TACR1: variants seen among roughly 807,000 people sequenced by gnomAD.
TACR1 encodes the protein tachykinin receptor 1, also known as substance-P receptor.
Under a neutral mutation model 35.8 loss-of-function variants are expected in TACR1, and 25 were observed. That is an observed-to-expected ratio of 0.70 (90% CI 0.51 to 0.98). The LOEUF (loss-of-function observed/expected upper bound fraction) is 0.98, where lower values mean the gene tolerates loss of function less well. TACR1 is among the 50% of genes least tolerant of loss of function. The pLI, the probability that TACR1 is intolerant of heterozygous loss-of-function variation, is 0.00. For missense variants in TACR1, 478 were observed against 522.9 expected, an observed-to-expected ratio of 0.91 and a Z score of 0.84; for synonymous variants, 195 against 206.7, an observed-to-expected ratio of 0.94 and a Z score of 0.48.
At chr2:75,186,886 G>C (rs1330246254) in intron 1 of TACR1, 1 of 152,198 alleles carries the variant, frequency 6.6e-6, no homozygotes, top group South Asian at 2.1e-4. Context: ...GTATTGGGAG[G>C]AGATGAAGCA....
At chr2:75,075,505 G>A (rs1370689445) in intron 2 of TACR1, among the ~76,000 whole-genome samples, 2 of 152,060 alleles carry the variant, frequency 1.3e-5, no homozygotes, top group African/African-American at 4.8e-5. Flanking sequence ...ATGGGTGTTA[G>A]GATTACTTGT....
chr2:75,057,476 C>A (rs1345809310), intron 2 of TACR1, among the ~76,000 whole-genome samples: 1 of 152,176 alleles, frequency 6.6e-6, no homozygotes, highest in Non-Finnish European at 1.5e-5. Context: ...TTCACATGGA[C>A]GCGAGTGAAA....
chr2:75,139,744 G>A (rs1430836805), intron 1 of TACR1, among the ~76,000 whole-genome samples: 1 of 152,210 alleles, frequency 6.6e-6, no homozygotes, highest in Non-Finnish European at 1.5e-5. Flanking sequence ...GATTTGAGAG[G>A]CTCCGTTGGG....
chr2:75,132,156 T>G (rs972359982), intron 1 of TACR1, among the ~76,000 whole-genome samples: 3 of 152,192 alleles, frequency 2.0e-5, no homozygotes, highest in Non-Finnish European at 2.9e-5. Flanking sequence ...AGTAAATTGT[T>G]AATATTCTCT....
chr2:75,073,369 G>A (rs1277877807), intron 2 of TACR1, among the ~76,000 whole-genome samples: 1 of 152,228 alleles, frequency 6.6e-6, no homozygotes, highest in East Asian at 1.9e-4. Context: ...GTAGTAGGTG[G>A]TGACTACCTG....
At chr2:75,088,053 A>G (rs962381968) in intron 2 of TACR1, among the ~76,000 whole-genome samples, 6 of 152,140 alleles carry the variant, frequency 3.9e-5, no homozygotes, top group African/African-American at 1.4e-4. Flanking sequence ...TCATTTCTCT[A>G]GCTGACGTCT....
chr2:75,105,086 C>A (rs961115481), intron 2 of TACR1, among the ~76,000 whole-genome samples: 2 of 152,052 alleles, frequency 1.3e-5, no homozygotes, highest in Admixed American at 1.3e-4. Flanking sequence ...ATTTGCACTT[C>A]CATGTTTGTT....
intron 2 of TACR1, among the ~76,000 whole-genome samples, chr2:75,087,574 C>T (rs1413626191): frequency 3.9e-5 from 6 of 152,198 alleles, no homozygotes; most frequent in Non-Finnish European, 7.3e-5. Flanking sequence ...GCCCCACCAA[C>T]CCAAGCAACT....
At chr2:75,157,366 T>C (rs1380391116) in intron 1 of TACR1, among the ~76,000 whole-genome samples, 1 of 152,128 alleles carries the variant, frequency 6.6e-6, no homozygotes, top group African/African-American at 2.4e-5. Flanking sequence ...TACTCAAGCT[T>C]CTCTTTCCTA....
chr2:75,160,389 A>G (rs536674856), intron 1 of TACR1, among the ~76,000 whole-genome samples: 1 of 152,302 alleles, frequency 6.6e-6, no homozygotes, highest in South Asian at 2.1e-4. Context: ...TTGTTATGCA[A>G]ATAAATCCAA....
intron 1 of TACR1, among the ~76,000 whole-genome samples, chr2:75,142,172 T>G (rs902337683): frequency 1.3e-5 from 2 of 152,174 alleles, no homozygotes; most frequent in African/African-American, 4.8e-5. Flanking sequence ...GCCTCCAGCC[T>G]CTGCTTCCAC....
chr2:75,147,734 A>G (rs1305582648), intron 1 of TACR1, among the ~76,000 whole-genome samples: 1 of 146,010 alleles, frequency 6.8e-6, no homozygotes, highest in Non-Finnish European at 1.5e-5. Context: ...TGCAAAGGAC[A>G]TGATCTCATT....
chr2:75,097,121 C>G (rs1673438224), intron 2 of TACR1, among the ~76,000 whole-genome samples: 1 of 152,226 alleles, frequency 6.6e-6, no homozygotes, highest in Non-Finnish European at 1.5e-5. Flanking sequence ...CCCAAGTTCC[C>G]CATTTCCTTG....
chr2:75,157,741 G>A (rs781550576), intron 1 of TACR1, among the ~76,000 whole-genome samples: 13 of 152,238 alleles, frequency 8.5e-5, no homozygotes, highest in Non-Finnish European at 1.5e-4. Context: ...GGAGATGTGG[G>A]TTTTAAGCAA....
chr2:75,175,401 T>C (rs1675388307), intron 1 of TACR1, among the ~76,000 whole-genome samples: 1 of 152,248 alleles, frequency 6.6e-6, no homozygotes, highest in South Asian at 2.1e-4. Flanking sequence ...TAGTTCCTAT[T>C]GCTGCTCAAA....
At position 75,158,874 on chromosome 2, in the gene TACR1, C is replaced by T. The variant is rs188884593; in HGVS notation, c.390-38106G>A. Among the ~76,000 whole-genome samples, 509 of 152,330 alleles carry T rather than the reference C, an allele frequency of 3.3e-3. 3 individuals are homozygous for T. The highest frequency in any genetic ancestry group is 0.011 in the African/African-American group (458 of 41,574). On this transcript the variant is annotated intron_variant, in intron 1 of 4. Coordinates refer to ENST00000305249, the MANE Select transcript of TACR1 (RefSeq NM_001058.4). Reference sequence around the variant, plus strand: ...GTCCCAGGCCTGGCTCTGCCACCAACCAGCTGTGCAGCTTCCAGCAAGTTA... The same window carrying T: ...GTCCCAGGCCTGGCTCTGCCACCAATCAGCTGTGCAGCTTCCAGCAAGTTA...
In TACR1 at chr2:75,056,052, G is replaced by A. The variant is rs1016909664; in HGVS notation, c.585-2297C>T. Among the ~76,000 whole-genome samples, 5 of 152,176 alleles carry A rather than the reference G, an allele frequency of 3.3e-5. No homozygotes were observed. In the South Asian group the frequency reaches 6.2e-4, roughly 19 times the overall value. On this transcript the variant is annotated intron_variant, in intron 2 of 4. Coordinates refer to ENST00000305249, the MANE Select transcript of TACR1 (RefSeq NM_001058.4). The stretch of plus-strand genomic sequence containing the variant: ...GTTGGGAGCAGGAAATTACATTTTA[G>A]AAACTTCCCCCAAGTTACTGTAATA...
chr2:75,149,676 C>T (rs2103962780), intron 1 of TACR1, among the ~76,000 whole-genome samples: 1 of 152,252 alleles, frequency 6.6e-6, no homozygotes, highest in African/African-American at 2.4e-5. Flanking sequence ...ACAATCATGT[C>T]ATCTGCGAAC....
At chr2:75,157,618 A>G (rs1054178804) in intron 1 of TACR1, among the ~76,000 whole-genome samples, 1 of 152,206 alleles carries the variant, frequency 6.6e-6, no homozygotes, top group African/African-American at 2.4e-5. Flanking sequence ...AACATCCCCC[A>G]CCTAAGGGTT....
Sources: gnomAD v4.1 joint callset for allele counts (sites outside exome capture counted in the v4.1 genomes callset) on GRCh38, gnomAD v4.1.1 for gene constraint, MANE v1.5 for transcripts, NCBI Gene and HGNC (gene_info 2026-07-23, HGNC 2026-07-21) for gene names.